COL5A1: variants seen among roughly 807,000 people sequenced by gnomAD.
COL5A1 encodes collagen alpha-1(V) chain.
A neutral mutation model predicts 263.7 loss-of-function variants in COL5A1; 16 were observed. The ratio of observed to expected loss-of-function variants is 0.06; its 90% CI spans 0.04 to 0.09. The LOEUF is 0.09. COL5A1 is among the 10% of genes least tolerant of loss of function. The pLI, the probability that COL5A1 is intolerant of heterozygous loss-of-function variation, is 1.00. For synonymous variants in COL5A1, 1,012 were observed against 1,004.5 expected, an observed-to-expected ratio of 1.01 and a Z score of -0.14; for missense variants, 2,036 against 2,540.5, an observed-to-expected ratio of 0.80 and a Z score of 4.27.
rs971530804 is a variant in COL5A1, at chr9:134,818,192, C to T, written c.4230+361C>T. ...GCCTACCTCTGAAGTGGACCGTGTC[C>T]GATGGTGACCGTGTCTGCTGCGGGG... On this transcript the variant is annotated intron_variant, in intron 54 of 65. Coordinates refer to ENST00000371817, the MANE Select transcript of COL5A1 (RefSeq NM_000093.5). This position sits in a 1 kb window ranked among gnomAD's most constrained non-coding sequence, Gnocchi z 6.0. Among the ~76,000 whole-genome samples the T allele has an allele frequency of 5.3e-5, 8 of 152,210 alleles. No homozygotes were observed. In the East Asian group the frequency reaches 1.2e-3, roughly 22 times the overall value.
chr9:134,737,804 G>T (rs1029032250), intron 9 of COL5A1, among the ~76,000 whole-genome samples: 1 of 152,194 alleles, frequency 6.6e-6, no homozygotes, highest in African/African-American at 2.4e-5. Flanking sequence ...TCCCCATTGG[G>T]GTTAGAGTGA....
At chr9:134,695,117 T>C (rs1313742954) in intron 2 of COL5A1, among the ~76,000 whole-genome samples, 1 of 152,170 alleles carries the variant, frequency 6.6e-6, no homozygotes, top group Non-Finnish European at 1.5e-5. Context: ...GCTCTGGTGC[T>C]GTGGGTGGGG....
At chr9:134,772,517 C>T (rs751461073) in intron 25 of COL5A1, among the ~76,000 whole-genome samples, 4 of 152,220 alleles carry the variant, frequency 2.6e-5, no homozygotes, top group Non-Finnish European at 5.9e-5. Flanking sequence ...ATACTCCCCG[C>T]AAGTCTCTGG....
chr9:134,842,212 A>C lies in COL5A1; in HGVS notation c.5426A>C (p.Gln1809Pro), dbSNP rs1830127790. 1 of 1,614,108 alleles carries C rather than the reference A, an allele frequency of 6.2e-7. No individual in the cohort carries two copies. Among genetic ancestry groups the C allele is most frequent in the Non-Finnish European group, 8.5e-7 (1 of 1,180,038 alleles). The change falls in exon 66 of 66, where the codon CAG becomes CCG. Residue 1809 changes from glutamine to proline, a missense_variant. Around this residue, in one of 3 missense-constraint regions of COL5A1, gnomAD observed 358 missense variants for 384.6 expected, o/e 0.93. Coordinates refer to ENST00000371817, the MANE Select transcript of COL5A1 (RefSeq NM_000093.5). The surrounding 1 kb of genome is among the most constrained non-coding windows in gnomAD (Gnocchi z 5.8). The part of the protein sequence containing the change: ...VLEIDTPKVE[Q>P]VPIVDIMFND... ...GAGATCGACACCCCCAAAGTGGAGC[A>C]GGTGCCCATCGTGGACATCATGTTC...
At chr9:134,702,492 T>C (rs1430393885) in intron 4 of COL5A1, among the ~76,000 whole-genome samples, 3 of 152,120 alleles carry the variant, frequency 2.0e-5, no homozygotes, top group Admixed American at 2.0e-4. Flanking sequence ...TCTCGGTGAC[T>C]CGGGGTCACC....
intron 30 of COL5A1, 87 bp from the exon 31 acceptor site, chr9:134,785,908 C>A: frequency 1.6e-6 from 2 of 1,275,612 alleles, no homozygotes; most frequent in Non-Finnish European, 1.1e-6. Flanking sequence ...CAGGCCCCTG[C>A]CAGAACGCAT....
In COL5A1 at chr9:134,760,355, C is replaced by CACCG. The variant is rs1564439993; in HGVS notation, c.1936-1570_1936-1569insACCG. 3.4e-3 allele frequency among the ~76,000 whole-genome samples: 309 copies of CACCG among 91,132 alleles called. 6 individuals are homozygous for CACCG. The highest frequency in any genetic ancestry group is 9.7e-3 in the East Asian group (22 of 2,278). The allele number at this position is 91,132 out of a possible 152,430, so 59.8% of individuals were successfully genotyped here. On this transcript the variant is annotated intron_variant, in intron 18 of 65. Coordinates refer to ENST00000371817, the MANE Select transcript of COL5A1 (RefSeq NM_000093.5). ...CATGCACACACACCCCCACACACCC[C>CACCG]CACACATACACACACACCACACATG...
intron 4 of COL5A1, among the ~76,000 whole-genome samples, chr9:134,711,506 G>T (rs949803806): frequency 5.9e-5 from 9 of 152,124 alleles, no homozygotes; most frequent in African/African-American, 2.2e-4. Context: ...GCACCCCATG[G>T]TGCCCAAGCA....
intron 11 of COL5A1, among the ~76,000 whole-genome samples, chr9:134,749,589 T>C (rs906056665): frequency 2.6e-5 from 4 of 152,220 alleles, no homozygotes; most frequent in Non-Finnish European, 4.4e-5. Flanking sequence ...ATGGGTTTCC[T>C]GGCAGGGAGC....
intron 64 of COL5A1, chr9:134,830,251 A>C: frequency 6.9e-7 from 1 of 1,439,940 alleles, no homozygotes. Flanking sequence ...TCTGCATGGC[A>C]CCCATCGCTG....
intron 11 of COL5A1, 65 bp from the exon 12 acceptor site, chr9:134,750,477 C>A: frequency 6.8e-7 from 1 of 1,479,360 alleles, no homozygotes. Flanking sequence ...CGCCCTCATT[C>A]TCGCTGCAGC....
At chr9:134,674,467 A>G (rs1011592435) in intron 1 of COL5A1, among the ~76,000 whole-genome samples, 2 of 152,140 alleles carry the variant, frequency 1.3e-5, no homozygotes, top group African/African-American at 4.8e-5. Flanking sequence ...GAGGAGAGAG[A>G]CATAAGGGAA....
intron 38 of COL5A1, among the ~76,000 whole-genome samples, chr9:134,802,362 C>T (rs377538871): frequency 6.4e-4 from 97 of 152,276 alleles, no homozygotes; most frequent in African/African-American, 2.2e-3. Flanking sequence ...CACGGGCCTG[C>T]GATTCTAACC....
chr9:134,683,607 CT>C (rs774594230), intron 1 of COL5A1, among the ~76,000 whole-genome samples: 3 of 152,156 alleles, frequency 2.0e-5, no homozygotes, highest in Admixed American at 6.5e-5. Flanking sequence ...TGTGTAGAAG[CT>C]GTGGGTTGCT....
intron 2 of COL5A1, among the ~76,000 whole-genome samples, chr9:134,693,041 C>G (rs959357394): frequency 6.6e-6 from 1 of 152,100 alleles, no homozygotes; most frequent in Non-Finnish European, 1.5e-5. Flanking sequence ...CCACTGCACT[C>G]CAGCCTGGGT....
chr9:134,766,909 G>T, intron 22 of COL5A1, 91 bp from the exon 23 acceptor site: 1 of 1,246,110 alleles, frequency 8.0e-7, no homozygotes, highest in Admixed American at 1.9e-5. Flanking sequence ...AGTTTGAAAG[G>T]ATGGGAGGCC....
chr9:134,645,063 G>C (rs1831430218), intron 1 of COL5A1, among the ~76,000 whole-genome samples: 1 of 152,188 alleles, frequency 6.6e-6, no homozygotes, highest in South Asian at 2.1e-4. Context: ...CTGTGGTCCA[G>C]ATTTGCCGGA....
chr9:134,691,369 G>A (rs1833274189), intron 2 of COL5A1, among the ~76,000 whole-genome samples: 1 of 152,344 alleles, frequency 6.6e-6, no homozygotes, highest in South Asian at 2.1e-4. Context: ...GGTGGTAGCT[G>A]GGCCGCCAGG....
At chr9:134,656,723 G>T (rs538709818) in intron 1 of COL5A1, among the ~76,000 whole-genome samples, 1 of 151,842 alleles carries the variant, frequency 6.6e-6, no homozygotes, top group Middle Eastern at 3.4e-3. Flanking sequence ...ATTTTACATG[G>T]CTGTTAATAC....
Sources: allele counts gnomAD v4.1 joint callset (sites outside exome capture counted in the v4.1 genomes callset), GRCh38; gene constraint gnomAD v4.1.1; regional missense constraint gnomAD v4.1.1; non-coding constraint Gnocchi (gnomAD v3.1); transcripts MANE v1.5; gene names NCBI Gene and HGNC (gene_info 2026-07-23, HGNC 2026-07-21).